Variants in PEPD observed in about 807,000 individuals in gnomAD.
PEPD encodes xaa-Pro dipeptidase.
In PEPD, 53 loss-of-function variants were observed where a neutral mutation model predicts 60.7. The observed-to-expected ratio is 0.87, with a 90% CI of 0.70 to 1.10. The LOEUF is 1.10. PEPD is among the 50% of genes least tolerant of loss of function. The probability of loss-of-function intolerance (pLI) is 0.00; values close to 1 mark genes in which losing one functional copy is unlikely to be tolerated. For missense variants in PEPD, 711 were observed against 711.9 expected (o/e 1.00, Z 0.01); for synonymous variants, 267 against 284.1 (o/e 0.94, Z 0.60).
At chr19:33,397,159 G>T (rs1021319450) in intron 12 of PEPD, among the ~76,000 whole-genome samples, 1 of 152,188 alleles carries the variant, frequency 6.6e-6, no homozygotes, top group Non-Finnish European at 1.5e-5. Flanking sequence ...CCGTCTGAGC[G>T]AGCGCAGCCT....
intron 12 of PEPD, 23 bp downstream of exon 12, chr19:33,401,698 C>T (rs1428958842): frequency 1.9e-6 from 3 of 1,595,768 alleles, no homozygotes; most frequent in Admixed American, 1.7e-5. Context: ...AGATGCGCCT[C>T]CCCCCACCGA....
chr19:33,436,392 A>G (rs1025332773), intron 9 of PEPD, among the ~76,000 whole-genome samples: 5 of 152,128 alleles, frequency 3.3e-5, no homozygotes, highest in African/African-American at 7.2e-5. Context: ...GCATCTCCCA[A>G]TGGCCGAGTA....
intron 5 of PEPD, among the ~76,000 whole-genome samples, chr19:33,491,376 G>A (rs990293245): frequency 6.6e-6 from 1 of 152,148 alleles, no homozygotes; most frequent in Non-Finnish European, 1.5e-5. Context: ...CTTGAACCCG[G>A]GAGGTGGAGG....
intron 13 of PEPD, 74 bp from the exon 14 acceptor site, chr19:33,388,155 ATG>A: frequency 3.2e-6 from 4 of 1,253,356 alleles, no homozygotes; most frequent in Non-Finnish European, 4.5e-6. Flanking sequence ...AGAGATGGGC[ATG>A]TGAGGGCCGG....
chr19:33,432,407 AC>A (rs1969293198), intron 9 of PEPD, among the ~76,000 whole-genome samples: 1 of 152,074 alleles, frequency 6.6e-6, no homozygotes, highest in Admixed American at 6.6e-5. Context: ...CACACGGGGC[AC>A]CCCACCCTGG....
chr19:33,477,653 T>C (rs62100668), intron 7 of PEPD, among the ~76,000 whole-genome samples: 1 of 152,190 alleles, frequency 6.6e-6, no homozygotes, highest in African/African-American at 2.4e-5. Context: ...GAAGAATGCG[T>C]AGAACAGAAT....
At chr19:33,424,474 G>A (rs1200436923) in intron 9 of PEPD, among the ~76,000 whole-genome samples, 1 of 152,194 alleles carries the variant, frequency 6.6e-6, no homozygotes, top group Non-Finnish European at 1.5e-5. Context: ...GTTCGCGTCT[G>A]ACCCAATCTC....
Position 33,417,640 on chromosome 19 carries a change from A to G in PEPD, c.672-3997T>C, listed in dbSNP as rs370740333. On this transcript the variant is annotated intron_variant, in intron 9 of 14. Transcript: ENST00000244137. ...ATTTAACATACATGGAGTATACACA[A>G]TGGTGCCTGGTACCCAAGGAGCTCT... Among the ~76,000 whole-genome samples the G allele has an allele frequency of 2.5e-4, 38 of 152,172 alleles. 1 individual carries two copies. The East Asian group carries it at 5.3e-3, about 21-fold the overall frequency.
chr19:33,448,233 GCC>G (rs1969628779), intron 9 of PEPD, among the ~76,000 whole-genome samples: 1 of 152,244 alleles, frequency 6.6e-6, no homozygotes. Flanking sequence ...ACTACTGCCT[GCC>G]TGTTCTGGGA....
chr19:33,499,833 C>T (rs1266976872), intron 4 of PEPD, among the ~76,000 whole-genome samples: 4 of 152,192 alleles, frequency 2.6e-5, no homozygotes, highest in Non-Finnish European at 5.9e-5. Context: ...GGGCTGGCCA[C>T]CCCCGAGCTG....
At chr19:33,415,072 G>T (rs1181595731) in intron 9 of PEPD, among the ~76,000 whole-genome samples, 2 of 152,218 alleles carry the variant, frequency 1.3e-5, no homozygotes, top group Non-Finnish European at 2.9e-5. Context: ...CGCCAGGCCA[G>T]ACAGGCAGCC....
chr19:33,422,814 T>TTC (rs1969053439), intron 9 of PEPD, among the ~76,000 whole-genome samples: 1 of 75,170 alleles, frequency 1.3e-5, no homozygotes, highest in Non-Finnish European at 2.9e-5. Flanking sequence ...CCATCCATCC[T>TTC]TCTATATCTA....
intron 9 of PEPD, among the ~76,000 whole-genome samples, chr19:33,453,976 G>C (rs1325793129): frequency 6.6e-6 from 1 of 152,120 alleles, no homozygotes; most frequent in Admixed American, 6.5e-5. Context: ...TGCCTCACTG[G>C]CTCTGCACCA....
chr19:33,401,035 G>A (rs904030353), intron 12 of PEPD, among the ~76,000 whole-genome samples: 2 of 152,166 alleles, frequency 1.3e-5, no homozygotes, highest in African/African-American at 4.8e-5. Flanking sequence ...AACGGCGCGC[G>A]GTGGGAGGTC....
chr19:33,521,785 G>A lies in PEPD; in HGVS notation c.-25C>T, dbSNP rs768175498. 3.2e-6 allele frequency: 5 copies of A among 1,551,870 alleles called. No homozygotes were observed. The highest frequency in any genetic ancestry group is 2.4e-5 in the East Asian group (1 of 41,794). Reference sequence around the variant, plus strand: ...TGTTCGCCCGGCACCGGCGTCACGTGAAGTGCGGCGTCAGCTGAGCCCCTC... The same window carrying A: ...TGTTCGCCCGGCACCGGCGTCACGTAAAGTGCGGCGTCAGCTGAGCCCCTC... On this transcript the variant is annotated 5_prime_UTR_variant, in exon 1 of 15. Coordinates refer to ENST00000244137, the MANE Select transcript of PEPD (RefSeq NM_000285.4).
At chr19:33,519,657 G>A (rs1971095003) in intron 1 of PEPD, among the ~76,000 whole-genome samples, 1 of 152,186 alleles carries the variant, frequency 6.6e-6, no homozygotes, top group African/African-American at 2.4e-5. Flanking sequence ...AGACTGCCAG[G>A]CTCTGGAAGC....
In PEPD at chr19:33,493,175, C is replaced by T; in HGVS notation, c.441+115G>A. 3.9e-6 allele frequency: 3 copies of T among 774,270 alleles called. No individual in the cohort carries two copies. In the South Asian group the frequency reaches 4.4e-5, roughly 11 times the overall value. 48.0% of individuals were successfully genotyped at this position (774,270 alleles called of 1,614,324 possible). ...ACAGGCGTGAGCCCCTGGACCCAAC[C>T]CCTCTCCGTTTTTTAATCCTCCCCT... On this transcript the variant is annotated intron_variant, in intron 5 of 14. Transcript: ENST00000244137.
intron 9 of PEPD, among the ~76,000 whole-genome samples, chr19:33,427,106 C>T (rs144137367): frequency 1.3e-3 from 200 of 152,354 alleles, no homozygotes; most frequent in Non-Finnish European, 1.7e-3. Flanking sequence ...ACAACAGGAA[C>T]GCTATTTATC....
At chr19:33,423,368 T>C (rs1969075162) in intron 9 of PEPD, among the ~76,000 whole-genome samples, 1 of 152,250 alleles carries the variant, frequency 6.6e-6, no homozygotes, top group Admixed American at 6.5e-5. Context: ...ACGCATGGCC[T>C]TGTGCCTCTT....
Sources: gnomAD v4.1 joint callset for allele counts (sites outside exome capture counted in the v4.1 genomes callset) on GRCh38, gnomAD v4.1.1 for gene constraint, MANE v1.5 for transcripts, NCBI Gene and HGNC (gene_info 2026-07-23, HGNC 2026-07-21) for gene names.